The following IL1RAPL1 variants were observed in gnomAD, a reference collection of about 807,000 sequenced individuals.
IL1RAPL1 encodes the protein interleukin-1 receptor accessory protein-like 1.
In IL1RAPL1, 3 loss-of-function variants were observed where a neutral mutation model predicts 48.4. The observed-to-expected ratio is 0.06, with a 90% CI of 0.03 to 0.16. The LOEUF is 0.16. IL1RAPL1 is among the 10% of genes least tolerant of loss of function. The probability of loss-of-function intolerance (pLI) is 1.00; values close to 1 mark genes in which losing one functional copy is unlikely to be tolerated. For synonymous variants in IL1RAPL1, 185 were observed against 187.7 expected (o/e 0.99, Z 0.12); for missense variants, 349 against 530.6 (o/e 0.66, Z 3.36).
intron 6 of IL1RAPL1, among the ~76,000 whole-genome samples, chrX:29,908,998 G>T (rs1932707580): frequency 9.0e-6 from 1 of 111,500 alleles, no homozygotes. Context: ...TAATAATAAT[G>T]ATGCTTTTAT....
intron 1 of IL1RAPL1, among the ~76,000 whole-genome samples, chrX:28,602,751 T>G (rs1406269626): frequency 8.9e-6 from 1 of 111,777 alleles, no homozygotes; most frequent in Admixed American, 9.5e-5. Context: ...TGGGTACTCC[T>G]GCTAGCCCAA....
At chrX:29,288,747 C>T (rs1483454031) in intron 3 of IL1RAPL1, among the ~76,000 whole-genome samples, 4 of 112,285 alleles carry the variant, frequency 3.6e-5, no homozygotes, top group Non-Finnish European at 7.5e-5. Flanking sequence ...CTGTCTTCCA[C>T]AATGGTTGAA....
intron 2 of IL1RAPL1, among the ~76,000 whole-genome samples, chrX:28,953,527 G>T (rs1363795002): frequency 9.0e-6 from 1 of 111,274 alleles, no homozygotes; most frequent in Non-Finnish European, 1.9e-5. Flanking sequence ...GTTCTTGAAA[G>T]ATTTTTAAGT....
intron 2 of IL1RAPL1, among the ~76,000 whole-genome samples, chrX:28,812,609 G>T (rs1266976401): frequency 9.0e-6 from 1 of 111,002 alleles, no homozygotes; most frequent in African/African-American, 3.3e-5. Flanking sequence ...TAGGCAAAAG[G>T]TAGAAGTGCC....
At chrX:29,198,663 CAATGGCAATTGTTGGCCACTTTAATATAA>C (rs1362814700) in intron 2 of IL1RAPL1, among the ~76,000 whole-genome samples, 1 of 111,253 alleles carries the variant, frequency 9.0e-6, no homozygotes, top group African/African-American at 3.3e-5. Context: ...ATTAAGCAGG[CAATGGCAATTGTTGGCCACTTTAATATAA>C]ATATATTCCC....
At chrX:28,959,369 AT>A (rs1482788692) in intron 2 of IL1RAPL1, among the ~76,000 whole-genome samples, 1 of 111,316 alleles carries the variant, frequency 9.0e-6, no homozygotes, top group African/African-American at 3.3e-5. Flanking sequence ...ATAAATGGAA[AT>A]TCATTGGAAT....
intron 5 of IL1RAPL1, among the ~76,000 whole-genome samples, chrX:29,596,222 TTGGTTCCATA>T (rs1192725542): frequency 1.8e-5 from 2 of 111,730 alleles, no homozygotes; most frequent in African/African-American, 3.3e-5. Context: ...GGTTCTTTTT[TTGGTTCCATA>T]TGAATTTTAG....
chrX:29,000,101 C>A (rs1227268059), intron 2 of IL1RAPL1, among the ~76,000 whole-genome samples: 2 of 111,075 alleles, frequency 1.8e-5, no homozygotes, highest in African/African-American at 3.3e-5. Flanking sequence ...TCCTGAAAAC[C>A]TTGCCTTTAT....
chrX:29,384,950 G>A (rs987578200), intron 3 of IL1RAPL1, among the ~76,000 whole-genome samples: 2 of 111,810 alleles, frequency 1.8e-5, no homozygotes, highest in South Asian at 3.7e-4. Flanking sequence ...AAGTCTTTTT[G>A]AAATGATGGC....
At chrX:29,226,981 G>A (rs1465827859) in intron 2 of IL1RAPL1, among the ~76,000 whole-genome samples, 4 of 87,155 alleles carry the variant, frequency 4.6e-5, no homozygotes, top group Non-Finnish European at 7.9e-5. Flanking sequence ...TAATTGCATA[G>A]GAATGGAAGA....
intron 2 of IL1RAPL1, among the ~76,000 whole-genome samples, chrX:29,250,139 C>G (rs1931579938): frequency 1.8e-5 from 2 of 111,733 alleles, no homozygotes; most frequent in African/African-American, 6.5e-5. Flanking sequence ...ATTCAATTCT[C>G]TCTTCAATGT....
intron 6 of IL1RAPL1, among the ~76,000 whole-genome samples, chrX:29,714,032 C>G: frequency 9.0e-6 from 1 of 111,317 alleles, no homozygotes; most frequent in East Asian, 2.8e-4. Context: ...TAATTACAGG[C>G]CAGTTAGTAA....
chrX:29,430,726 T>C (rs188158479), intron 5 of IL1RAPL1, among the ~76,000 whole-genome samples: 1,138 of 110,359 alleles, frequency 0.01, 21 homozygotes, highest in African/African-American at 0.036. Context: ...TGTATACTTA[T>C]AATCTATATA....
At position 29,126,457 on chromosome X, in the gene IL1RAPL1, A is replaced by G. The variant is rs1320564186; in HGVS notation, c.83-156481A>G. 2.7e-5 allele frequency among the ~76,000 whole-genome samples: 3 copies of G among 112,681 alleles called. No individual in the cohort carries two copies. In the Admixed American group the frequency reaches 2.8e-4, roughly 11 times the overall value. ...AACTACACAGAAAAAGTTATATGTC[A>G]TAGCTGGTCAAGAACTCAGAGCAAA... On this transcript the variant is annotated intron_variant, in intron 2 of 10. Transcript: ENST00000378993.
chrX:29,689,555 T>C (rs1926721588), intron 6 of IL1RAPL1, among the ~76,000 whole-genome samples: 1 of 112,400 alleles, frequency 8.9e-6, no homozygotes, highest in Admixed American at 9.4e-5. Flanking sequence ...AAAAGCTCGG[T>C]CAAGCAAGGC....
At chrX:28,643,056 T>C in intron 1 of IL1RAPL1, among the ~76,000 whole-genome samples, 1 of 110,644 alleles carries the variant, frequency 9.0e-6, no homozygotes, top group Non-Finnish European at 1.9e-5. Context: ...ACCCACCTAA[T>C]TTTTGTATTT....
intron 2 of IL1RAPL1, among the ~76,000 whole-genome samples, chrX:29,113,649 T>C (rs978874853): frequency 4.5e-5 from 5 of 111,669 alleles, no homozygotes; most frequent in Non-Finnish European, 9.4e-5. Flanking sequence ...TTGCTACTAT[T>C]ATAACCTGCC....
intron 2 of IL1RAPL1, among the ~76,000 whole-genome samples, chrX:29,076,802 G>GTCTATCTATCTATCTATCTA (rs59044267): frequency 0.043 from 4,172 of 97,179 alleles, 108 homozygotes; most frequent in African/African-American, 0.078. Flanking sequence ...CTGTCTGTCT[G>GTCTATCTATCTATCTATCTA]TCTATCTATC....
intron 1 of IL1RAPL1, among the ~76,000 whole-genome samples, chrX:28,617,431 C>T (rs1934233587): frequency 9.0e-6 from 1 of 111,556 alleles, no homozygotes; most frequent in African/African-American, 3.3e-5. Flanking sequence ...TCAGCTCTGC[C>T]ATGTATTATC....
Sources: gnomAD v4.1 joint callset for allele counts (sites outside exome capture counted in the v4.1 genomes callset) on GRCh38, gnomAD v4.1.1 for gene constraint, MANE v1.5 for transcripts, NCBI Gene and HGNC (gene_info 2026-07-23, HGNC 2026-07-21) for gene names.